PRLR: variants seen among roughly 807,000 people sequenced by gnomAD.
The protein encoded by PRLR is hPRL receptor.
PRLR carries 13 observed loss-of-function variants against 40.2 expected under a neutral mutation model. That is an observed-to-expected ratio of 0.32 (90% CI 0.21 to 0.51). The LOEUF is 0.51. PRLR is among the 20% of genes least tolerant of loss of function. The pLI is 0.97. For missense variants in PRLR, 656 were observed against 747.3 expected (o/e 0.88, Z 1.42); for synonymous variants, 269 against 278.7 (o/e 0.97, Z 0.35).
downstream of PRLR, among the ~76,000 whole-genome samples, chr5:35,050,951 G>T (rs990862077): frequency 1.1e-4 from 17 of 152,234 alleles, no homozygotes; most frequent in Admixed American, 1.1e-3. Context: ...AGACTGAGGT[G>T]CAGAGATTAG....
At chr5:35,052,587 A>G (rs1433396635), downstream of PRLR, among the ~76,000 whole-genome samples, 1 of 152,186 alleles carries the variant, frequency 6.6e-6, no homozygotes, top group African/African-American at 2.4e-5. Context: ...GGTCATGGAA[A>G]CTGGAACCCT....
intron 1 of PRLR, among the ~76,000 whole-genome samples, chr5:35,195,951 T>C (rs572193559): frequency 5.3e-4 from 80 of 152,078 alleles, no homozygotes; most frequent in South Asian, 1.9e-3. Flanking sequence ...AGCAAAAAAA[T>C]GAAAACGATT....
At chr5:35,122,149 G>A (rs1708134438) in intron 1 of PRLR, among the ~76,000 whole-genome samples, 1 of 152,022 alleles carries the variant, frequency 6.6e-6, no homozygotes, top group African/African-American at 2.4e-5. Flanking sequence ...AGCAAGACAT[G>A]GAGATTAAAA....
At chr5:35,210,645 A>G (rs1045578765) in intron 1 of PRLR, among the ~76,000 whole-genome samples, 2 of 152,204 alleles carry the variant, frequency 1.3e-5, no homozygotes, top group Non-Finnish European at 2.9e-5. Context: ...TTCTACAGAA[A>G]GAATGTGGTT....
chr5:35,069,921 C>T (rs535509615), intron 7 of PRLR, among the ~76,000 whole-genome samples: 11 of 152,222 alleles, frequency 7.2e-5, no homozygotes, highest in Non-Finnish European at 1.6e-4. Flanking sequence ...GTAGCCTTAT[C>T]CTAAAATTGT....
intron 1 of PRLR, among the ~76,000 whole-genome samples, chr5:35,198,326 A>T (rs1330918986): frequency 6.6e-6 from 1 of 152,206 alleles, no homozygotes; most frequent in Non-Finnish European, 1.5e-5. Context: ...AAGTAAACAA[A>T]TGGAGCACTT....
intron 2 of PRLR, among the ~76,000 whole-genome samples, chr5:35,108,865 C>A (rs1772453037): frequency 2.0e-5 from 3 of 152,286 alleles, no homozygotes. Context: ...GAAAAAACTA[C>A]TTTAAAGTTC....
downstream of PRLR, among the ~76,000 whole-genome samples, chr5:35,052,797 A>T (rs946064049): frequency 6.6e-6 from 1 of 152,144 alleles, no homozygotes; most frequent in African/African-American, 2.4e-5. Context: ...GGCTAAGAAA[A>T]ATCTAGACAG....
At position 35,158,699 on chromosome 5, in the gene PRLR, C is replaced by T. The variant is rs562077956; in HGVS notation, c.-105-40577G>A. Among the ~76,000 whole-genome samples the T allele has an allele frequency of 7.9e-5, 12 of 152,100 alleles. No individual in the cohort carries two copies. In the East Asian group the frequency reaches 1.2e-3, roughly 15 times the overall value. Reference sequence around the variant, plus strand: ...AGTGAGAACATGACTCAAGCAAGGACGGTGGCTTCTTTTTATGGAGACAGA... The same window carrying T: ...AGTGAGAACATGACTCAAGCAAGGATGGTGGCTTCTTTTTATGGAGACAGA... On this transcript the variant is annotated intron_variant, in intron 1 of 9. Coordinates refer to ENST00000618457, the MANE Select transcript of PRLR (RefSeq NM_000949.7).
intron 1 of PRLR, among the ~76,000 whole-genome samples, chr5:35,228,235 A>C (rs1776601072): frequency 4.8e-5 from 2 of 41,824 alleles, no homozygotes; most frequent in South Asian, 7.8e-4. Flanking sequence ...AACCATGCAA[A>C]AAAAAAAAAA....
chr5:35,079,132 C>A (rs1381528083), intron 5 of PRLR, among the ~76,000 whole-genome samples: 1 of 152,168 alleles, frequency 6.6e-6, no homozygotes, highest in Admixed American at 6.5e-5. Context: ...GAAGCATTCC[C>A]TTTGAAAACT....
intron 1 of PRLR, among the ~76,000 whole-genome samples, chr5:35,222,483 T>C (rs1776449601): frequency 1.3e-5 from 2 of 152,024 alleles, no homozygotes; most frequent in Admixed American, 1.3e-4. Context: ...TCCCAGATGT[T>C]AGAGTGGATA....
At chr5:35,153,749 T>C (rs1432456889) in intron 1 of PRLR, among the ~76,000 whole-genome samples, 1 of 140,462 alleles carries the variant, frequency 7.1e-6, no homozygotes, top group Non-Finnish European at 1.6e-5. Flanking sequence ...CTGCACACAC[T>C]ACACACACTA....
intron 5 of PRLR, among the ~76,000 whole-genome samples, chr5:35,078,062 G>C (rs960003111): frequency 1.8e-4 from 28 of 152,226 alleles, no homozygotes; most frequent in Admixed American, 1.3e-4. Context: ...GCAGTGTGTA[G>C]AGGGAAATTT....
intron 1 of PRLR, among the ~76,000 whole-genome samples, chr5:35,133,346 C>G (rs949599001): frequency 6.6e-6 from 1 of 152,166 alleles, no homozygotes; most frequent in African/African-American, 2.4e-5. Flanking sequence ...CCCATTGGTT[C>G]TGCTTCTCTG....
At chr5:35,158,751 G>A (rs1774584496) in intron 1 of PRLR, among the ~76,000 whole-genome samples, 2 of 152,046 alleles carry the variant, frequency 1.3e-5, no homozygotes, top group African/African-American at 2.4e-5. Flanking sequence ...CTTTCCTTCT[G>A]GGACCGTGAG....
chr5:35,068,416 C>G, intron 8 of PRLR, 131 bp from the exon 9 acceptor site: 1 of 745,584 alleles, frequency 1.3e-6, no homozygotes, highest in Non-Finnish European at 2.3e-6. Flanking sequence ...ATGAAACAAT[C>G]AATGATGAAA....
chr5:35,140,147 C>G (rs779241349), intron 1 of PRLR, among the ~76,000 whole-genome samples: 2 of 152,060 alleles, frequency 1.3e-5, no homozygotes, highest in South Asian at 4.2e-4. Flanking sequence ...AGAAATGATG[C>G]GCTATTATGT....
Position 35,064,750 on chromosome 5 carries a change from T to C in PRLR, c.*339A>G, listed in dbSNP as rs1014711719. ...ATGGTAAACAATTTTGACAATTTCA[T>C]TTCCGTCTGTCCCATGCCAAATCAT... On this transcript the variant is annotated 3_prime_UTR_variant, in exon 10 of 10. Coordinates refer to ENST00000618457, the MANE Select transcript of PRLR (RefSeq NM_000949.7). 5.2e-6 allele frequency: 1 copy of C among 190,592 alleles called. No homozygotes were observed. Among genetic ancestry groups the C allele is most frequent in the African/African-American group, 2.3e-5 (1 of 42,762 alleles). The allele number at this position is 190,592 out of a possible 1,614,324, so 11.8% of individuals were successfully genotyped here. A position where few individuals can be genotyped will look rare whatever the true frequency, so the allele number is the denominator to read the frequency against.
Sources: gnomAD v4.1 joint callset for allele counts (sites outside exome capture counted in the v4.1 genomes callset) on GRCh38, gnomAD v4.1.1 for gene constraint, MANE v1.5 for transcripts, NCBI Gene and HGNC (gene_info 2026-07-23, HGNC 2026-07-21) for gene names.